The following RBFOX1 variants were observed in gnomAD, a reference collection of about 807,000 sequenced individuals.
RBFOX1 encodes RNA binding protein fox-1 homolog 1.
A neutral mutation model predicts 57.7 loss-of-function variants in RBFOX1; 8 were observed. The ratio of observed to expected loss-of-function variants is 0.14; its 90% CI spans 0.08 to 0.25. The LOEUF (loss-of-function observed/expected upper bound fraction) is 0.25. RBFOX1 is among the 10% of genes least tolerant of loss of function. The pLI, the probability that RBFOX1 is intolerant of heterozygous loss-of-function variation, is 1.00. For synonymous variants in RBFOX1, 326 were observed against 222.4 expected (o/e 1.47, Z -4.15); for missense variants, 611 against 548.5 (o/e 1.11, Z -1.14).
intron 4 of RBFOX1, among the ~76,000 whole-genome samples, chr16:7,278,463 A>G (rs546187192): frequency 2.0e-5 from 3 of 152,214 alleles, no homozygotes; most frequent in Non-Finnish European, 4.4e-5. Context: ...TTGACTAAAT[A>G]TATTTACTTT....
rs183162344 is a variant in RBFOX1, at chr16:5,857,099, C to G, written c.319-10204C>G. Among the ~76,000 whole-genome samples the G allele has an allele frequency of 7.2e-5, 11 of 152,248 alleles. No homozygotes were observed. The East Asian group carries it at 1.9e-3, about 27-fold the overall frequency. On this transcript the variant is annotated intron_variant, in intron 3 of 19. Coordinates refer to the RBFOX1 transcript ENST00000641259. ...TGTGACTCTTTCTTTCACTTGAACACTTAAAGGTCATGGTAGGATTATTCA... is the reference window on the plus strand; with the variant it reads ...TGTGACTCTTTCTTTCACTTGAACAGTTAAAGGTCATGGTAGGATTATTCA...
chr16:6,257,373 A>G (rs560263214), intron 1 of RBFOX1, among the ~76,000 whole-genome samples: 8 of 152,228 alleles, frequency 5.3e-5, no homozygotes, highest in African/African-American at 1.9e-4. Flanking sequence ...TTCCCCATTC[A>G]AATTAAAAGA....
intron 2 of RBFOX1, among the ~76,000 whole-genome samples, chr16:6,505,723 A>G (rs186611787): frequency 5.3e-5 from 8 of 152,350 alleles, no homozygotes; most frequent in African/African-American, 1.4e-4. Flanking sequence ...GGTACAGACT[A>G]AAAACTCAAG....
chr16:6,591,311 C>A (rs60268748), intron 2 of RBFOX1, among the ~76,000 whole-genome samples: 15 of 151,768 alleles, frequency 9.9e-5, no homozygotes, highest in Admixed American at 1.3e-4. Flanking sequence ...AAGTATTAGC[C>A]GGTGCAGTGG....
chr16:7,152,628 A>G (rs1364028764), intron 4 of RBFOX1, among the ~76,000 whole-genome samples: 1 of 152,168 alleles, frequency 6.6e-6, no homozygotes, highest in African/African-American at 2.4e-5. Context: ...TCTTATTGGA[A>G]AGATGTGAGT....
intron 2 of RBFOX1, among the ~76,000 whole-genome samples, chr16:6,319,823 A>G (rs997880467): frequency 1.3e-5 from 2 of 152,204 alleles, no homozygotes; most frequent in African/African-American, 4.8e-5. Context: ...TTGAAAATTT[A>G]ACTTCCAAGA....
intron 3 of RBFOX1, among the ~76,000 whole-genome samples, chr16:5,737,147 G>A (rs996469518): frequency 6.6e-6 from 1 of 152,032 alleles, no homozygotes. Flanking sequence ...CTTCATGTCA[G>A]CAATCAGTGT....
intron 1 of RBFOX1, among the ~76,000 whole-genome samples, chr16:5,431,673 G>A (rs759119789): frequency 1.3e-5 from 2 of 152,066 alleles, no homozygotes; most frequent in East Asian, 1.9e-4. Context: ...GTGCCCAGCC[G>A]CTGGTTTATT....
intron 14 of RBFOX1, among the ~76,000 whole-genome samples, chr16:7,681,503 T>A (rs2074741119): frequency 6.6e-6 from 1 of 152,178 alleles, no homozygotes; most frequent in African/African-American, 2.4e-5. Flanking sequence ...AGAAAGGCTG[T>A]CATGAAAATA....
At chr16:7,197,440 G>GAAAAAAAAAAAAAA (rs57893229) in intron 4 of RBFOX1, among the ~76,000 whole-genome samples, 1 of 91,324 alleles carries the variant, frequency 1.1e-5, no homozygotes. Flanking sequence ...CCTGTGAGTG[G>GAAAAAAAAAAAAAA]AAAAAAAAAA....
At chr16:5,598,662 T>G (rs1337018531) in intron 2 of RBFOX1, among the ~76,000 whole-genome samples, 2 of 152,252 alleles carry the variant, frequency 1.3e-5, no homozygotes, top group Non-Finnish European at 2.9e-5. Flanking sequence ...CTATTTTATG[T>G]ATACAGCCCA....
At chr16:6,104,873 T>C (rs959514253) in intron 1 of RBFOX1, among the ~76,000 whole-genome samples, 1 of 152,200 alleles carries the variant, frequency 6.6e-6, no homozygotes, top group South Asian at 2.1e-4. Flanking sequence ...GTTTATGAAA[T>C]GTCCAGAAAA....
chr16:6,411,735 ATG>A (rs1240915314), intron 2 of RBFOX1, among the ~76,000 whole-genome samples: 6 of 152,230 alleles, frequency 3.9e-5, no homozygotes, highest in Non-Finnish European at 8.8e-5. Context: ...GAAAGTCATT[ATG>A]TTACTTTGCA....
chr16:5,574,794 G>C (rs1357470467), intron 2 of RBFOX1, among the ~76,000 whole-genome samples: 2 of 152,166 alleles, frequency 1.3e-5, no homozygotes, highest in African/African-American at 4.8e-5. Flanking sequence ...GGGGCTTACA[G>C]TGAACTCTGG....
At chr16:6,350,667 C>A (rs2086206362) in intron 2 of RBFOX1, among the ~76,000 whole-genome samples, 1 of 152,020 alleles carries the variant, frequency 6.6e-6, no homozygotes, top group Admixed American at 6.6e-5. Context: ...TGATAATCAC[C>A]ACCCTCTTGT....
intron 3 of RBFOX1, among the ~76,000 whole-genome samples, chr16:5,857,394 T>A (rs144609136): frequency 7.9e-4 from 120 of 152,072 alleles, no homozygotes; most frequent in African/African-American, 2.8e-3. Context: ...CACAGAGACA[T>A]GAGGTATACA....
chr16:7,671,965 C>T (rs1014329563), intron 13 of RBFOX1, among the ~76,000 whole-genome samples: 1 of 152,150 alleles, frequency 6.6e-6, no homozygotes, highest in Non-Finnish European at 1.5e-5. Flanking sequence ...AGTATAAATC[C>T]AATGAAAATA....
chr16:6,476,629 C>A (rs566652618), intron 2 of RBFOX1, among the ~76,000 whole-genome samples: 41 of 152,214 alleles, frequency 2.7e-4, no homozygotes, highest in African/African-American at 9.6e-4. Context: ...AGGGTCTTGC[C>A]TCGGTGTTGA....
intron 1 of RBFOX1, among the ~76,000 whole-genome samples, chr16:6,183,310 C>T (rs1201230235): frequency 6.6e-6 from 1 of 151,658 alleles, no homozygotes; most frequent in Admixed American, 6.6e-5. Flanking sequence ...GAAACCCTGT[C>T]TCTACTAAAA....
Sources: gnomAD v4.1 joint callset for allele counts (sites outside exome capture counted in the v4.1 genomes callset) on GRCh38, gnomAD v4.1.1 for gene constraint, MANE v1.5 for transcripts, NCBI Gene and HGNC (gene_info 2026-07-23, HGNC 2026-07-21) for gene names.